USO1: variants seen among roughly 807,000 people sequenced by gnomAD.
USO1 encodes the protein general vesicular transport factor p115.
In USO1, 57 loss-of-function variants were observed where a neutral mutation model predicts 124.5. That is an observed-to-expected ratio of 0.46 (90% confidence interval 0.37 to 0.57). USO1 has a LOEUF of 0.57. Ranked by LOEUF, USO1 falls within the 20% of genes least tolerant of loss-of-function variation. The probability of loss-of-function intolerance (pLI) is 0.00; values close to 1 mark genes in which losing one functional copy is unlikely to be tolerated. For missense variants in USO1, 900 were observed against 1,040.6 expected (o/e 0.86, Z 1.86); for synonymous variants, 369 against 362.8 (o/e 1.02, Z -0.19).
intron 9 of USO1, among the ~76,000 whole-genome samples, chr4:75,783,317 C>A (rs1722274708): frequency 6.6e-6 from 1 of 152,148 alleles, no homozygotes; most frequent in Non-Finnish European, 1.5e-5. Context: ...ATGATCATGT[C>A]CTGCCCCCAA....
At chr4:75,737,161 A>G (rs1427403817) in intron 1 of USO1, among the ~76,000 whole-genome samples, 2 of 152,228 alleles carry the variant, frequency 1.3e-5, no homozygotes, top group African/African-American at 4.8e-5. Context: ...CTATCTCACT[A>G]CTTACTTTAT....
rs71210204 is a variant in USO1, at chr4:75,780,640, C to CTTTTTTT, written c.677-2021_677-2015dup. 1.1e-3 allele frequency among the ~76,000 whole-genome samples: 64 copies of CTTTTTTT among 59,156 alleles called. 3 individuals carry two copies. The highest frequency in any genetic ancestry group is 1.6e-3 in the Admixed American group (5 of 3,168). The allele number at this position is 59,156 out of a possible 152,430, so 38.8% of individuals were successfully genotyped here. A position where few individuals can be genotyped will look rare whatever the true frequency, so the allele number is the denominator to read the frequency against. On this transcript the variant is annotated intron_variant, in intron 8 of 23. Transcript: ENST00000514213. ...CCCATGGATCAAGGATAAATTTTGA[C>CTTTTTTT]TTTTTTTTTTTTTTTTTTTTTTTTT...
chr4:75,770,246 G>A (rs767157115), intron 4 of USO1, 193 bp from the exon 5 acceptor site: 1 of 376,680 alleles, frequency 2.7e-6, no homozygotes, highest in Non-Finnish European at 4.5e-6. Context: ...CCAATAAAAT[G>A]TATTTAAATG....
intron 4 of USO1, among the ~76,000 whole-genome samples, chr4:75,766,013 T>C (rs1186189645): frequency 6.6e-6 from 1 of 152,198 alleles, no homozygotes; most frequent in Non-Finnish European, 1.5e-5. Context: ...CCTGTTTTCC[T>C]GAAGTGGAAG....
chr4:75,727,243 T>C (rs1440632428), intron 1 of USO1, among the ~76,000 whole-genome samples: 1 of 152,090 alleles, frequency 6.6e-6, no homozygotes, highest in Non-Finnish European at 1.5e-5. Flanking sequence ...GGTTGAAGAG[T>C]TGGAGCTAGA....
At chr4:75,783,850 C>A (rs1352422986) in intron 9 of USO1, among the ~76,000 whole-genome samples, 2 of 152,136 alleles carry the variant, frequency 1.3e-5, no homozygotes, top group Non-Finnish European at 2.9e-5. Context: ...AAAACTGTTA[C>A]AAAAGTATTT....
In USO1 at chr4:75,813,405, T is replaced by C; in HGVS notation, c.*110T>C. On this transcript the variant is annotated 3_prime_UTR_variant, in exon 24 of 24. Coordinates refer to ENST00000514213, the MANE Select transcript of USO1 (RefSeq NM_003715.4). ...AGATTTAGAAACCAGGTGGAAAACA[T>C]TCACTATTAAGACTATTGATATATT... 8.2e-7 allele frequency: 1 copy of C among 1,225,616 alleles called. No individual in the cohort carries two copies. Among genetic ancestry groups the C allele is most frequent in the Non-Finnish European group, 1.1e-6 (1 of 924,156 alleles). The allele number at this position is 1,225,616 out of a possible 1,614,324, so 75.9% of individuals were successfully genotyped here. A position where few individuals can be genotyped will look rare whatever the true frequency, so the allele number is the denominator to read the frequency against.
intron 1 of USO1, among the ~76,000 whole-genome samples, chr4:75,743,829 T>G (rs1721036705): frequency 6.6e-6 from 1 of 152,072 alleles, no homozygotes; most frequent in Admixed American, 6.6e-5. Context: ...TAGGCTGGAG[T>G]GCAGTGGCGC....
chr4:75,800,459 A>G lies in USO1; in HGVS notation c.1672A>G (p.Ser558Gly). The change falls in exon 15 of 24, where the codon AGC (serine) becomes GGC (glycine). Residue 558 changes from serine (S) to glycine (G), a missense_variant. Physicochemically the swap from Ser to Gly is moderately conservative, Grantham distance 56. Around this residue, in one of 2 missense-constraint regions of USO1, gnomAD observed 538 missense variants for 681.6 expected, o/e 0.79. Transcript: ENST00000514213. ...SIYFNDNSLE[S>G]YMKEKLKQLI... ...TTATTTCAATGATAACTCACTTGAG[A>G]GCTACATGAAGTAAGTAAGGGGAAG... 6.3e-7 allele frequency: 1 copy of G among 1,589,790 alleles called. No individual in the cohort carries two copies. The highest frequency in any genetic ancestry group is 8.6e-7 in the Non-Finnish European group (1 of 1,167,766).
chr4:75,800,755 T>C lies in USO1; in HGVS notation c.1820T>C (p.Met607Thr), dbSNP rs937015930. ...CCAAACTTTCCCAGTCCAGAATACA[T>C]GATATTTGATCATGAGTTTACGAAG... ...PQPNFPSPEYMIFDHEFTKLV... is the reference protein window; with the variant it reads ...PQPNFPSPEYTIFDHEFTKLV... Residue 607 changes from methionine (M) to threonine (T), a missense_variant, in exon 16 of 24, where the codon ATG becomes ACG. Physicochemically the swap from Met to Thr is moderately conservative, Grantham distance 81 (BLOSUM62 -1). Transcript: ENST00000514213. 3 of 1,613,468 alleles carry C rather than the reference T, an allele frequency of 1.9e-6. No individual in the cohort carries two copies. The African/African-American group carries it at 4.0e-5, about 22-fold the overall frequency.
chr4:75,804,008 G>A (rs1197633889), intron 17 of USO1, 126 bp from the exon 18 acceptor site: 13 of 1,230,012 alleles, frequency 1.1e-5, no homozygotes, highest in Admixed American at 1.0e-4. Context: ...ATTACTGAAC[G>A]ATTTTGGAAG....
rs1720632888 is a variant in USO1, at chr4:75,731,564, A to C, written c.66+6679A>C. Among the ~76,000 whole-genome samples the C allele has an allele frequency of 2.7e-5, 4 of 148,834 alleles. No individual in the cohort carries two copies. The South Asian group carries it at 8.4e-4, about 31-fold the overall frequency. Reference sequence around the variant, plus strand: ...GCAATGGAGTGAGACTCCGTCTCAAAAAAAAAAAAAAATGACTTTTGTAAT... The same window carrying C: ...GCAATGGAGTGAGACTCCGTCTCAACAAAAAAAAAAAATGACTTTTGTAAT... On this transcript the variant is annotated intron_variant, in intron 1 of 23. Coordinates refer to ENST00000514213, the MANE Select transcript of USO1 (RefSeq NM_003715.4).
chr4:75,806,387 A>G, intron 19 of USO1, 99 bp from the exon 20 acceptor site: 1 of 1,402,062 alleles, frequency 7.1e-7, no homozygotes, highest in Non-Finnish European at 9.6e-7. Flanking sequence ...ATTTTTTGGT[A>G]AGCACATATG....
chr4:75,727,672 C>T (rs1720503446), intron 1 of USO1, among the ~76,000 whole-genome samples: 1 of 152,022 alleles, frequency 6.6e-6, no homozygotes, highest in Non-Finnish European at 1.5e-5. Context: ...AGCTTGGAAC[C>T]CCTAGCTTCT....
At chr4:75,754,139 A>T (rs189632240) in intron 3 of USO1, among the ~76,000 whole-genome samples, 28 of 148,886 alleles carry the variant, frequency 1.9e-4, no homozygotes, top group Non-Finnish European at 4.0e-4. Context: ...CTGGAGTACA[A>T]TGTTGCAGTC....
chr4:75,762,015 A>C (rs1474742204), intron 4 of USO1, among the ~76,000 whole-genome samples: 3 of 152,152 alleles, frequency 2.0e-5, no homozygotes, highest in Non-Finnish European at 4.4e-5. Flanking sequence ...AGAGAGCTTT[A>C]AAATTTATCT....
intron 4 of USO1, among the ~76,000 whole-genome samples, chr4:75,768,779 C>T (rs1721841036): frequency 6.6e-6 from 1 of 152,166 alleles, no homozygotes; most frequent in African/African-American, 2.4e-5. Context: ...TGTAGTTGCA[C>T]TTTGTCATCC....
intron 10 of USO1, among the ~76,000 whole-genome samples, chr4:75,788,803 G>C (rs1189497641): frequency 6.6e-6 from 1 of 151,692 alleles, no homozygotes; most frequent in Non-Finnish European, 1.5e-5. Context: ...GAAGTGCTAG[G>C]ATTACAGGCG....
chr4:75,734,977 C>T (rs543466214), intron 1 of USO1, among the ~76,000 whole-genome samples: 102 of 152,162 alleles, frequency 6.7e-4, no homozygotes, highest in Non-Finnish European at 1.3e-3. Context: ...GATCCACCCG[C>T]CTCAGCCTCC....
Sources: allele counts gnomAD v4.1 joint callset (sites outside exome capture counted in the v4.1 genomes callset), GRCh38; gene constraint gnomAD v4.1.1; regional missense constraint gnomAD v4.1.1; transcripts MANE v1.5; gene names NCBI Gene and HGNC (gene_info 2026-07-23, HGNC 2026-07-21).